Variants in PARL observed in about 807,000 individuals in gnomAD.
PARL encodes presenilin associated rhomboid like.
In PARL, 44 loss-of-function variants were observed where a neutral mutation model predicts 51.6. That is an observed-to-expected ratio of 0.85 (90% CI 0.67 to 1.10). The LOEUF (loss-of-function observed/expected upper bound fraction) is 1.10. Ranked by LOEUF, PARL falls within the 50% of genes least tolerant of loss-of-function variation. The pLI is 0.00. For synonymous variants in PARL, 172 were observed against 164.0 expected, an observed-to-expected ratio of 1.05 and a Z score of -0.37; for missense variants, 441 against 469.5, an observed-to-expected ratio of 0.94 and a Z score of 0.56.
chr3:183,843,817 T>C (rs1456496998), intron 5 of PARL, among the ~76,000 whole-genome samples: 1 of 151,020 alleles, frequency 6.6e-6, no homozygotes, highest in Non-Finnish European at 1.5e-5. Context: ...GCCAGGCAGA[T>C]CACCTGAGGT....
chr3:183,845,349 G>A (rs1729826829), intron 4 of PARL, among the ~76,000 whole-genome samples: 1 of 152,038 alleles, frequency 6.6e-6, no homozygotes, highest in Non-Finnish European at 1.5e-5. Context: ...CCACTTGAGA[G>A]GTGGGAAAGG....
At chr3:183,826,510 T>G (rs1727424716), downstream of PARL, 1 of 632,576 alleles carries the variant, frequency 1.6e-6, no homozygotes. Flanking sequence ...GAGCTCCATT[T>G]CAAGGTTGTA....
intron 4 of PARL, among the ~76,000 whole-genome samples, chr3:183,857,960 A>G (rs1394780361): frequency 1.3e-5 from 2 of 152,210 alleles, no homozygotes; most frequent in African/African-American, 4.8e-5. Flanking sequence ...TGATTCCCGA[A>G]TCCACCCAGT....
intron 6 of PARL, among the ~76,000 whole-genome samples, chr3:183,841,840 T>G (rs1350024319): frequency 6.6e-6 from 1 of 152,186 alleles, no homozygotes; most frequent in East Asian, 1.9e-4. Context: ...AATCATATTG[T>G]ATAGCTCTGA....
chr3:183,855,182 G>A (rs1258063914), intron 4 of PARL, among the ~76,000 whole-genome samples: 1 of 152,124 alleles, frequency 6.6e-6, no homozygotes, highest in African/African-American at 2.4e-5. Flanking sequence ...CTGCTAACGG[G>A]AATGGGGTTT....
chr3:183,839,074 C>T (rs1034753068), intron 7 of PARL, among the ~76,000 whole-genome samples: 46 of 152,006 alleles, frequency 3.0e-4, no homozygotes, highest in African/African-American at 9.4e-4. Flanking sequence ...TATATCAGAG[C>T]GAAATTGTAT....
At chr3:183,837,255 T>C (rs1218071763) in intron 7 of PARL, among the ~76,000 whole-genome samples, 1 of 152,118 alleles carries the variant, frequency 6.6e-6, no homozygotes. Flanking sequence ...TGAGATTCAA[T>C]CAATGTTGTG....
intron 1 of PARL, among the ~76,000 whole-genome samples, chr3:183,881,380 C>A (rs1044119431): frequency 1.3e-5 from 2 of 152,220 alleles, no homozygotes; most frequent in Non-Finnish European, 2.9e-5. Context: ...CCTCGGCCTC[C>A]CAAAGTGCTG....
intron 1 of PARL, among the ~76,000 whole-genome samples, chr3:183,883,095 T>C (rs1734748321): frequency 6.6e-6 from 1 of 152,236 alleles, no homozygotes; most frequent in African/African-American, 2.4e-5. Flanking sequence ...AGACATTAAA[T>C]ACTAATCTTC....
intron 4 of PARL, among the ~76,000 whole-genome samples, chr3:183,860,957 G>C (rs1189435559): frequency 1.3e-5 from 2 of 151,870 alleles, no homozygotes; most frequent in African/African-American, 4.8e-5. Context: ...GGATTAACAG[G>C]CGTGCACCAC....
At chr3:183,843,382 T>C in intron 5 of PARL, 1 of 655,528 alleles carries the variant, frequency 1.5e-6, no homozygotes, top group Non-Finnish European at 1.9e-6. Flanking sequence ...CTGGGCATGG[T>C]GGCATGCACC....
At chr3:183,828,548 T>A (rs1463855307), downstream of PARL, among the ~76,000 whole-genome samples, 1 of 152,240 alleles carries the variant, frequency 6.6e-6, no homozygotes, top group East Asian at 1.9e-4. Context: ...AAGTCCAGCC[T>A]GATGGAAGAA....
At chr3:183,883,331 C>T (rs1425707064) in intron 1 of PARL, among the ~76,000 whole-genome samples, 3 of 152,196 alleles carry the variant, frequency 2.0e-5, no homozygotes, top group African/African-American at 7.2e-5. Flanking sequence ...TGCAATGGCA[C>T]GATCTCGGCT....
intron 3 of PARL, among the ~76,000 whole-genome samples, chr3:183,865,873 ATTTCT>A (rs1010090759): frequency 8.0e-5 from 12 of 150,040 alleles, no homozygotes; most frequent in Non-Finnish European, 1.6e-4. Flanking sequence ...ATTAACATTA[ATTTCT>A]TTTCTTTTTT....
chr3:183,879,774 T>C (rs1218269199), intron 1 of PARL: 1 of 729,866 alleles, frequency 1.4e-6, no homozygotes, highest in African/African-American at 1.9e-5. Context: ...TGGAGTGCAG[T>C]GGCACCATCT....
intron 7 of PARL, among the ~76,000 whole-genome samples, chr3:183,837,550 C>T (rs1022293273): frequency 5.3e-5 from 8 of 152,268 alleles, no homozygotes; most frequent in South Asian, 2.1e-4. Context: ...GCCTGCACGC[C>T]CTCAGCTCCC....
At chr3:183,880,253 T>G (rs148872475) in intron 1 of PARL, among the ~76,000 whole-genome samples, 4 of 152,142 alleles carry the variant, frequency 2.6e-5, no homozygotes, top group African/African-American at 7.2e-5. Context: ...TTGAGGCATA[T>G]GACAACTCAC....
chr3:183,866,303 A>G (rs1338411187), intron 3 of PARL, among the ~76,000 whole-genome samples: 1 of 152,232 alleles, frequency 6.6e-6, no homozygotes, highest in Non-Finnish European at 1.5e-5. Flanking sequence ...TATTAAGTGC[A>G]CTGACTTGAC....
chr3:183,865,881 T>TC (rs1732412981), intron 3 of PARL, among the ~76,000 whole-genome samples: 1 of 150,784 alleles, frequency 6.6e-6, no homozygotes, highest in South Asian at 2.1e-4. Flanking sequence ...TAATTTCTTT[T>TC]CTTTTTTTTT....
Sources: allele counts gnomAD v4.1 joint callset (sites outside exome capture counted in the v4.1 genomes callset), GRCh38; gene constraint gnomAD v4.1.1; transcripts MANE v1.5; gene names NCBI Gene and HGNC (gene_info 2026-07-23, HGNC 2026-07-21).